The following FHIT variants were observed in gnomAD, a reference collection of about 807,000 sequenced individuals.
FHIT encodes the protein fragile histidine triad diadenosine triphosphatase.
FHIT carries 19 observed loss-of-function variants against 17.9 expected under a neutral mutation model. The ratio of observed to expected loss-of-function variants is 1.06; its 90% CI spans 0.74 to 1.56. The LOEUF is 1.56. FHIT is among the 40% of genes most tolerant of loss of function. FHIT has a pLI of 0.00. For synonymous variants in FHIT, 81 were observed against 69.7 expected (o/e 1.16, Z -0.81); for missense variants, 248 against 189.2 (o/e 1.31, Z -1.82).
At chr3:60,431,880 C>G (rs2107298202) in intron 5 of FHIT, among the ~76,000 whole-genome samples, 1 of 152,188 alleles carries the variant, frequency 6.6e-6, no homozygotes, top group Admixed American at 6.5e-5. Flanking sequence ...CCGTGGTCTC[C>G]TGCATAGTTT....
chr3:60,098,559 GGTT>G (rs1704062378), intron 5 of FHIT, among the ~76,000 whole-genome samples: 2 of 151,928 alleles, frequency 1.3e-5, no homozygotes, highest in South Asian at 4.2e-4. Flanking sequence ...TTTTTGATGG[GGTT>G]GTTTGTTTTT....
At chr3:59,875,957 GA>G (rs5849307) in intron 8 of FHIT, among the ~76,000 whole-genome samples, 57,950 of 145,334 alleles carry the variant, frequency 0.4, 11,666 homozygotes, top group East Asian at 0.55. Flanking sequence ...AAAAAAAAAA[GA>G]AAAAAAAAAG....
intron 7 of FHIT, among the ~76,000 whole-genome samples, chr3:59,966,388 T>C (rs1193029275): frequency 6.6e-6 from 1 of 152,178 alleles, no homozygotes; most frequent in Non-Finnish European, 1.5e-5. Context: ...TATCTCTTTA[T>C]CAAAAGAACT....
chr3:60,298,920 C>G (rs1708329189), intron 5 of FHIT, among the ~76,000 whole-genome samples: 1 of 152,106 alleles, frequency 6.6e-6, no homozygotes, highest in Admixed American at 6.6e-5. Flanking sequence ...GTGCCAGGGA[C>G]AGGACCCCCT....
intron 5 of FHIT, among the ~76,000 whole-genome samples, chr3:60,017,149 C>T (rs1335960699): frequency 6.6e-6 from 1 of 152,188 alleles, no homozygotes; most frequent in Non-Finnish European, 1.5e-5. Context: ...CTGTGCCCTG[C>T]ATTCCCTAGT....
rs28819530 is a variant in FHIT, at chr3:60,925,070, A to G, written c.-110-103059T>C. 3.3e-3 allele frequency among the ~76,000 whole-genome samples: 507 copies of G among 152,354 alleles called. 5 individuals carry two copies. The highest frequency in any genetic ancestry group is 0.024 in the Middle Eastern group (7 of 294). On this transcript the variant is annotated intron_variant, in intron 3 of 9. Coordinates refer to ENST00000492590, the MANE Select transcript of FHIT (RefSeq NM_002012.4). ...AATATGGGACTATGTGAAAAGACCAAATCTACATCTGACTGATGTACCTGA... is the reference window on the plus strand; with the variant it reads ...AATATGGGACTATGTGAAAAGACCAGATCTACATCTGACTGATGTACCTGA...
intron 2 of FHIT, among the ~76,000 whole-genome samples, chr3:61,073,478 T>C (rs1186606344): frequency 1.3e-5 from 2 of 152,226 alleles, no homozygotes; most frequent in African/African-American, 4.8e-5. Flanking sequence ...TAAGCCAGCC[T>C]GAGCTATGCT....
At chr3:59,928,994 C>CAAAAAAAA (rs56107626) in intron 7 of FHIT, among the ~76,000 whole-genome samples, 1 of 33,142 alleles carries the variant, frequency 3.0e-5, no homozygotes, top group Non-Finnish European at 5.0e-5. Flanking sequence ...GACTTCATCT[C>CAAAAAAAA]AAAAAAAAAA....
chr3:60,132,469 A>C (rs974310261), intron 5 of FHIT, among the ~76,000 whole-genome samples: 1 of 152,224 alleles, frequency 6.6e-6, no homozygotes, highest in Admixed American at 6.5e-5. Flanking sequence ...AAGGCTAGCA[A>C]AAGTTAATGG....
At chr3:59,901,613 T>A (rs1030805262) in intron 8 of FHIT, among the ~76,000 whole-genome samples, 2 of 152,078 alleles carry the variant, frequency 1.3e-5, no homozygotes, top group African/African-American at 2.4e-5. Context: ...ATGACTATAA[T>A]AAAAAGTTAC....
intron 5 of FHIT, among the ~76,000 whole-genome samples, chr3:60,168,132 A>G (rs1217942583): frequency 1.3e-5 from 2 of 152,224 alleles, no homozygotes; most frequent in Non-Finnish European, 1.5e-5. Context: ...ATAGTTGCAG[A>G]AACTCCAAAA....
At chr3:60,730,041 A>T in intron 4 of FHIT, 1 of 449,994 alleles carries the variant, frequency 2.2e-6, no homozygotes, top group Admixed American at 2.6e-5. Context: ...ATCATCAGGA[A>T]GAGGCTTTTG....
rs78092484 is a variant in FHIT, at chr3:60,574,819, C to T, written c.-17-37840G>A. On this transcript the variant is annotated intron_variant, in intron 4 of 9. Transcript: ENST00000492590. ...CCAGGGTAAGAAAATTTAGTGCAGA[C>T]GATCCCAGCCTTCCCAGACTTCCCT... Among the ~76,000 whole-genome samples, 1,421 of 151,922 alleles carry T rather than the reference C, an allele frequency of 9.4e-3. 34 individuals carry two copies. The highest frequency in any genetic ancestry group is 0.033 in the African/African-American group (1,358 of 41,424).
chr3:60,669,259 G>C (rs2040455955), intron 4 of FHIT, among the ~76,000 whole-genome samples: 2 of 152,174 alleles, frequency 1.3e-5, no homozygotes, highest in African/African-American at 4.8e-5. Context: ...TGACTTATAA[G>C]TGTTCATCCT....
intron 5 of FHIT, among the ~76,000 whole-genome samples, chr3:60,376,641 A>T (rs1012407596): frequency 6.6e-6 from 1 of 152,222 alleles, no homozygotes; most frequent in Admixed American, 6.5e-5. Context: ...GGATGTATGA[A>T]AAAGTTGACA....
In FHIT at chr3:60,515,678, AAACTT is replaced by A. The variant is rs146013951; in HGVS notation, c.103+21177_103+21181del. ...TCTTCTATAATTCTCATAACAATAG[AAACTT>A]AACAATAATGGAGCTTATATTTGAA... On this transcript the variant is annotated intron_variant, in intron 5 of 9. Transcript: ENST00000492590. Among the ~76,000 whole-genome samples, 1,359 of 152,316 alleles carry A rather than the reference AAACTT, an allele frequency of 8.9e-3. 17 individuals are homozygous for A. Among genetic ancestry groups the A allele is most frequent in the East Asian group, 0.036 (186 of 5,188 alleles).
At chr3:60,757,464 G>A (rs1553718584) in intron 4 of FHIT, among the ~76,000 whole-genome samples, 1 of 152,216 alleles carries the variant, frequency 6.6e-6, no homozygotes, top group African/African-American at 2.4e-5. Flanking sequence ...ACTTCCTTTA[G>A]GCAAAGAGGA....
intron 5 of FHIT, among the ~76,000 whole-genome samples, chr3:60,123,970 ATATATATAT>A (rs1559653305): frequency 4.9e-4 from 9 of 18,408 alleles, no homozygotes; most frequent in African/African-American, 1.7e-3. Context: ...CACTAAAAAT[ATATATATAT>A]ATATATATAT....
intron 3 of FHIT, among the ~76,000 whole-genome samples, chr3:61,030,261 T>C (rs2107665673): frequency 6.6e-6 from 1 of 152,292 alleles, no homozygotes; most frequent in South Asian, 2.1e-4. Context: ...TGAGCCACCA[T>C]GCCTGGCCAG....
Sources: gnomAD v4.1 joint callset for allele counts (sites outside exome capture counted in the v4.1 genomes callset) on GRCh38, gnomAD v4.1.1 for gene constraint, MANE v1.5 for transcripts, NCBI Gene and HGNC (gene_info 2026-07-23, HGNC 2026-07-21) for gene names.